The following ADAMTS2 variants were observed in gnomAD, a reference collection of about 807,000 sequenced individuals.
ADAMTS2 encodes the protein A disintegrin and metalloproteinase with thrombospondin motifs 2.
In ADAMTS2, 50 loss-of-function variants were observed where a neutral mutation model predicts 123.0. The observed-to-expected ratio is 0.41, with a 90% CI of 0.32 to 0.51. The LOEUF is 0.51. Ranked by LOEUF, ADAMTS2 falls within the 20% of genes least tolerant of loss-of-function variation. The pLI is 0.35. For synonymous variants in ADAMTS2, 678 were observed against 695.4 expected (o/e 0.98, Z 0.39); for missense variants, 1,494 against 1,705.2 (o/e 0.88, Z 2.18).
chr5:179,121,615 G>A (rs537489898), intron 21 of ADAMTS2, 46 bp downstream of exon 21: 13 of 1,499,412 alleles, frequency 8.7e-6, no homozygotes, highest in African/African-American at 6.9e-5. Flanking sequence ...CAGGGCGCAG[G>A]GCATGCACTG....
chr5:179,289,763 T>C (rs765712850), intron 2 of ADAMTS2, among the ~76,000 whole-genome samples: 4 of 152,204 alleles, frequency 2.6e-5, no homozygotes, highest in Non-Finnish European at 4.4e-5. Context: ...GACATCCCAA[T>C]GTGACAGTCC....
chr5:179,136,058 C>G lies in ADAMTS2; in HGVS notation c.1952-16G>C. ...CTCTCCTTGGCTGGAAGGGAAGCAG[C>G]TGGGGGTCTGCAAGGAGCCCTGATG... On this transcript the variant is annotated splice_polypyrimidine_tract_variant and intron_variant, in intron 12 of 21. Transcript: ENST00000251582. 6 of 1,613,038 alleles carry G rather than the reference C, an allele frequency of 3.7e-6. No homozygotes were observed. Among genetic ancestry groups the G allele is most frequent in the Non-Finnish European group, 5.1e-6 (6 of 1,179,898 alleles).
At position 179,256,848 on chromosome 5, in the gene ADAMTS2, A is replaced by G. The variant is rs1198121760; in HGVS notation, c.688+16063T>C. On this transcript the variant is annotated intron_variant, in intron 3 of 21. Transcript: ENST00000251582. This position sits in a 1 kb window ranked among gnomAD's most constrained non-coding sequence, Gnocchi z 4.1. ...TTTCTGAAGCCGTTGTACGAGTCAA[A>G]TAAAACATTGCGGGGTGGGGCGGCG... Among the ~76,000 whole-genome samples, 1 of 152,270 alleles carries G rather than the reference A, an allele frequency of 6.6e-6. No individual in the cohort carries two copies. Among genetic ancestry groups the G allele is most frequent in the Non-Finnish European group, 1.5e-5 (1 of 68,044 alleles).
At chr5:179,179,216 G>A (rs753225253) in intron 5 of ADAMTS2, among the ~76,000 whole-genome samples, 102 of 150,646 alleles carry the variant, frequency 6.8e-4, no homozygotes, top group Admixed American at 4.4e-3. Flanking sequence ...CAAAGTGCTA[G>A]GATTACAGGT....
chr5:179,344,667 G>C (rs988501348), intron 1 of ADAMTS2, among the ~76,000 whole-genome samples: 2 of 152,214 alleles, frequency 1.3e-5, no homozygotes, highest in Non-Finnish European at 2.9e-5. Context: ...CGAGCGGCCT[G>C]TCCTGCCTGT....
chr5:179,164,392 A>C (rs2113277815), intron 5 of ADAMTS2, among the ~76,000 whole-genome samples: 1 of 152,320 alleles, frequency 6.6e-6, no homozygotes, highest in Admixed American at 6.5e-5. Context: ...ACAGTGTGGC[A>C]CTGAGATGCA....
chr5:179,226,276 CT>C (rs112956370), intron 3 of ADAMTS2, among the ~76,000 whole-genome samples: 103 of 132,124 alleles, frequency 7.8e-4, no homozygotes, highest in Non-Finnish European at 7.5e-4. Context: ...TTCCTTCTTT[CT>C]TTTTTTTTTT....
Position 179,132,160 on chromosome 5 carries a change from G to A in ADAMTS2, c.2290+70C>T. On this transcript the variant is annotated intron_variant, in intron 15 of 21. Coordinates refer to ENST00000251582, the MANE Select transcript of ADAMTS2 (RefSeq NM_014244.5). This position sits in a 1 kb window ranked among gnomAD's most constrained non-coding sequence, Gnocchi z 6.1. Reference sequence around the variant, plus strand: ...CCCGGGCCCCTGACCCCTGACCCCTGGCACTCTGCCCATTGATCCCAGAGG... The same window carrying A: ...CCCGGGCCCCTGACCCCTGACCCCTAGCACTCTGCCCATTGATCCCAGAGG... 2 of 1,496,204 alleles carry A rather than the reference G, an allele frequency of 1.3e-6. No individual in the cohort carries two copies. The highest frequency in any genetic ancestry group is 1.1e-5 in the South Asian group (1 of 87,154). The allele number at this position is 1,496,204 out of a possible 1,614,324, so 92.7% of individuals were successfully genotyped here.
intron 2 of ADAMTS2, among the ~76,000 whole-genome samples, chr5:179,282,558 A>G (rs571993492): frequency 6.6e-6 from 1 of 152,362 alleles, no homozygotes; most frequent in East Asian, 1.9e-4. Flanking sequence ...AGAATTACAA[A>G]GCATGAGCCC....
rs145347087 is a variant in ADAMTS2, at chr5:179,175,324, G to T, written c.975+5748C>A. On this transcript the variant is annotated intron_variant, in intron 5 of 21. Transcript: ENST00000251582. The surrounding 1 kb of genome is among the most constrained non-coding windows in gnomAD (Gnocchi z 4.1). ...GCAGCTGTCTCAGCCATTCTTGACCGTTCGTGTTCCTAGATGGTGCTTAGA... is the reference window on the plus strand; with the variant it reads ...GCAGCTGTCTCAGCCATTCTTGACCTTTCGTGTTCCTAGATGGTGCTTAGA... 6.6e-6 allele frequency among the ~76,000 whole-genome samples: 1 copy of T among 152,180 alleles called. No individual in the cohort carries two copies. The highest frequency in any genetic ancestry group is 1.5e-5 in the Non-Finnish European group (1 of 68,044).
intron 2 of ADAMTS2, among the ~76,000 whole-genome samples, chr5:179,331,228 G>A (rs1200582895): frequency 6.7e-6 from 1 of 149,484 alleles, no homozygotes; most frequent in African/African-American, 2.5e-5. Context: ...GGGAAAGAAA[G>A]GTGGGAACGG....
At chr5:179,148,850 G>A (rs541571827) in intron 10 of ADAMTS2, among the ~76,000 whole-genome samples, 2 of 152,196 alleles carry the variant, frequency 1.3e-5, no homozygotes, top group African/African-American at 2.4e-5. Context: ...CAGACGGAGG[G>A]GGGTACTGTG....
In ADAMTS2 at chr5:179,224,277, C is replaced by T. The variant is rs565561228; in HGVS notation, c.689-16562G>A. On this transcript the variant is annotated intron_variant, in intron 3 of 21. Coordinates refer to ENST00000251582, the MANE Select transcript of ADAMTS2 (RefSeq NM_014244.5). Reference sequence around the variant, plus strand: ...TCTTGGGAGCTGTCGCCATGGCTCCCGGCACACCCTGACATCCGTAGGCGC... The same window carrying T: ...TCTTGGGAGCTGTCGCCATGGCTCCTGGCACACCCTGACATCCGTAGGCGC... Among the ~76,000 whole-genome samples, 43 of 152,296 alleles carry T rather than the reference C, an allele frequency of 2.8e-4. 1 individual carries two copies. In the South Asian group the frequency reaches 3.7e-3, roughly 13 times the overall value.
Position 179,307,100 on chromosome 5 carries a change from G to A in ADAMTS2, c.535-34036C>T, listed in dbSNP as rs1756695754. Among the ~76,000 whole-genome samples the A allele has an allele frequency of 6.6e-6, 1 of 152,166 alleles. No individual in the cohort carries two copies. Among genetic ancestry groups the A allele is most frequent in the Admixed American group, 6.5e-5 (1 of 15,284 alleles). ...AGCCGAGTAAGAAGAACCTCTCGGG[G>A]AAGTCAGTGGCCAGCCAGCCTAAGC... On this transcript the variant is annotated intron_variant, in intron 2 of 21. Coordinates refer to ENST00000251582, the MANE Select transcript of ADAMTS2 (RefSeq NM_014244.5). This position sits in a 1 kb window ranked among gnomAD's most constrained non-coding sequence, Gnocchi z 5.6.
chr5:179,121,608 G>A (rs1762764383), intron 21 of ADAMTS2, 53 bp downstream of exon 21: 1 of 1,460,126 alleles, frequency 6.8e-7, no homozygotes, highest in Non-Finnish European at 9.4e-7. Context: ...AGCTCCACAG[G>A]GCGCAGGGCA....
intron 3 of ADAMTS2, among the ~76,000 whole-genome samples, chr5:179,252,191 G>A (rs1370672271): frequency 6.6e-6 from 1 of 151,684 alleles, no homozygotes; most frequent in Non-Finnish European, 1.5e-5. Context: ...GATTTTTTTG[G>A]TAGAGATGGG....
rs779661341 is a variant in ADAMTS2, at chr5:179,125,090, G to A, written c.2841C>T (p.His947=). 33 of 1,612,660 alleles carry A rather than the reference G, an allele frequency of 2.0e-5. No homozygotes were observed. Among genetic ancestry groups the A allele is most frequent in the Non-Finnish European group, 2.7e-5 (32 of 1,179,842 alleles). Residue 947 remains histidine (H), a synonymous_variant, in exon 19 of 22, where the codon CAC becomes CAT. Coordinates refer to ENST00000251582, the MANE Select transcript of ADAMTS2 (RefSeq NM_014244.5). ...CGTGCACGGAGCGGGTGGTGTTGTC[G>A]TGTAGCGGCTGAATGCAGCGCACGG... The part of the protein sequence containing the change: ...VRSVRCIQPL[H]DNTTRSVHAK...
intron 21 of ADAMTS2, among the ~76,000 whole-genome samples, chr5:179,114,578 T>C (rs1207854012): frequency 6.6e-6 from 1 of 152,206 alleles, no homozygotes; most frequent in Non-Finnish European, 1.5e-5. Context: ...CAGGCCCCAG[T>C]TGAACCTGGA....
intron 4 of ADAMTS2, among the ~76,000 whole-genome samples, chr5:179,194,288 T>C (rs973357233): frequency 1.3e-5 from 2 of 152,170 alleles, no homozygotes; most frequent in African/African-American, 4.8e-5. Flanking sequence ...CCCCACCTGC[T>C]CACCATCACT....
Sources: gnomAD v4.1 joint callset for allele counts (sites outside exome capture counted in the v4.1 genomes callset) on GRCh38, gnomAD v4.1.1 for gene constraint, Gnocchi (gnomAD v3.1) non-coding constraint, MANE v1.5 for transcripts, NCBI Gene and HGNC (gene_info 2026-07-23, HGNC 2026-07-21) for gene names.